PI4KB: variants seen among roughly 807,000 people sequenced by gnomAD.
The protein encoded by PI4KB is phosphatidylinositol 4-kinase beta.
In PI4KB, 23 loss-of-function variants were observed where a neutral mutation model predicts 81.4. That is an observed-to-expected ratio of 0.28 (90% CI 0.20 to 0.40). The LOEUF (loss-of-function observed/expected upper bound fraction) is 0.40. Among genes scored for constraint, PI4KB ranks in the 10% least tolerant of loss-of-function variants. The probability of loss-of-function intolerance (pLI) is 1.00; values close to 1 mark genes in which losing one functional copy is unlikely to be tolerated. For synonymous variants in PI4KB, 381 were observed against 406.8 expected, an observed-to-expected ratio of 0.94 and a Z score of 0.76; for missense variants, 651 against 1,036.6, an observed-to-expected ratio of 0.63 and a Z score of 5.11.
intron 1 of PI4KB, among the ~76,000 whole-genome samples, chr1:151,320,715 C>G (rs140690358): frequency 6.6e-6 from 1 of 152,344 alleles, no homozygotes; most frequent in East Asian, 1.9e-4. Context: ...GTAGGGCACT[C>G]TCATCAGAGG....
chr1:151,301,754 G>C (rs1318211680), intron 8 of PI4KB, 90 bp downstream of exon 8: 11 of 1,256,034 alleles, frequency 8.8e-6, no homozygotes, highest in Non-Finnish European at 1.2e-5. Context: ...GGCTGATCTT[G>C]AACTCCCGAC....
intron 5 of PI4KB, 142 bp from the exon 6 acceptor site, chr1:151,303,792 A>G (rs1695504801): frequency 1.5e-6 from 1 of 649,774 alleles, no homozygotes; most frequent in East Asian, 2.7e-5. Flanking sequence ...CTGGGACCCC[A>G]GGCTGCCCAG....
intron 4 of PI4KB, 97 bp downstream of exon 4, chr1:151,307,477 T>G: frequency 1.4e-6 from 1 of 716,196 alleles, no homozygotes; most frequent in Non-Finnish European, 2.5e-6. Context: ...GAGTCTAGGA[T>G]GTTGGTGAGG....
At position 151,303,534 on chromosome 1, in the gene PI4KB, G is replaced by A. The variant is rs1409421037; in HGVS notation, c.1520+7C>T. The A allele has an allele frequency of 1.9e-6, 3 of 1,558,106 alleles. No homozygotes were observed. Among genetic ancestry groups the A allele is most frequent in the Non-Finnish European group, 2.7e-6 (3 of 1,128,970 alleles). On this transcript the variant is annotated splice_region_variant and intron_variant, in intron 6 of 11. Transcript: ENST00000368873. Reference sequence around the variant, plus strand: ...GAAAAATGAGGGGCAATGTGATCTGGCCATACCGGATGTCCCCTGCTGCAA... The same window carrying A: ...GAAAAATGAGGGGCAATGTGATCTGACCATACCGGATGTCCCCTGCTGCAA...
intron 1 of PI4KB, chr1:151,324,844 C>T: frequency 1.0e-6 from 1 of 985,340 alleles, no homozygotes; most frequent in East Asian, 1.1e-4. Context: ...TCCCAAACCT[C>T]TTCCCCAAAT....
Position 151,310,233 on chromosome 1 carries a change from C to T in PI4KB, c.932G>A (p.Ser311Asn). 1 of 1,608,368 alleles carries T rather than the reference C, an allele frequency of 6.2e-7. No homozygotes were observed. Residue 311 changes from serine to asparagine, a missense_variant, in exon 3 of 12, where the codon AGT (serine) becomes AAT (asparagine). Around this residue, in one of 5 missense-constraint regions of PI4KB, gnomAD observed 314 missense variants for 397.8 expected, o/e 0.79. Coordinates refer to ENST00000368873, the MANE Select transcript of PI4KB (RefSeq NM_001369623.2). ...EDEELSSSTE[S>N]IDNSFSSPVR... ...TACGGAACTGAATGAATTATCAATA[C>T]TCTCGGTGCTGGAGGAGAGCTCCTG...
At chr1:151,308,335 C>A (rs1056781887) in intron 3 of PI4KB, among the ~76,000 whole-genome samples, 1 of 152,240 alleles carries the variant, frequency 6.6e-6, no homozygotes, top group African/African-American at 2.4e-5. Flanking sequence ...CAAATTACTT[C>A]TGTTGATTTC....
At position 151,307,610 on chromosome 1, in the gene PI4KB, G is replaced by C. The variant is rs769708110; in HGVS notation, c.1146C>G (p.Pro382=). Residue 382 remains proline, a synonymous_variant, in exon 4 of 12, where the codon CCC becomes CCG. Transcript: ENST00000368873. The part of the protein sequence containing the change: ...AGFDHHVVRV[P]HTQAVVLNSK... ...AGTTGAGGACAACAGCCTGTGTGTG[G>C]GGTACACGGACCACGTGGTGGTCAA... 10 of 1,613,916 alleles carry C rather than the reference G, an allele frequency of 6.2e-6. No individual in the cohort carries two copies. The highest frequency in any genetic ancestry group is 8.5e-6 in the Non-Finnish European group (10 of 1,179,922).
intron 1 of PI4KB, chr1:151,326,158 A>G (rs761832892): frequency 1.2e-6 from 2 of 1,613,068 alleles, no homozygotes; most frequent in East Asian, 4.5e-5. Context: ...ATAATCTGAA[A>G]CAAGTTTTCT....
At chr1:151,319,123 C>G (rs910820234) in intron 1 of PI4KB, among the ~76,000 whole-genome samples, 29 of 152,088 alleles carry the variant, frequency 1.9e-4, no homozygotes, top group African/African-American at 6.8e-4. Flanking sequence ...GGAACAAATA[C>G]CATCACGTGT....
At position 151,292,601 on chromosome 1, in the gene PI4KB, T is replaced by G; in HGVS notation, c.*251A>C. ...TTCTGGAGGGCAGTGAGTCCTGGAG[T>G]CAGTCTGGTGGTAATACTGACACAG... On this transcript the variant is annotated 3_prime_UTR_variant, in exon 12 of 12. Transcript: ENST00000368873. The G allele has an allele frequency of 2.0e-6, 1 of 498,578 alleles. No homozygotes were observed. Among genetic ancestry groups the G allele is most frequent in the South Asian group, 2.6e-5 (1 of 39,122 alleles). The allele number at this position is 498,578 out of a possible 1,614,324, so 30.9% of individuals were successfully genotyped here. A position where few individuals can be genotyped will look rare whatever the true frequency, so the allele number is the denominator to read the frequency against.
Position 151,307,659 on chromosome 1 carries a change from C to G in PI4KB, c.1097G>C (p.Arg366Pro). 1.9e-6 allele frequency: 3 copies of G among 1,614,158 alleles called. No homozygotes were observed. In the East Asian group the frequency reaches 6.7e-5, roughly 36 times the overall value. ...LSLLNHKLPARVWLPTAGFDH... is the reference protein window; with the variant it reads ...LSLLNHKLPAPVWLPTAGFDH... The stretch of plus-strand genomic sequence containing the variant: ...AAAGCCAGCAGTGGGCAGCCAGACT[C>G]GGGCAGGGAGCTTATGGTTGAGCAG... The change falls in exon 4 of 12, where the codon CGA becomes CCA. Residue 366 changes from arginine (R) to proline (P), a missense_variant. By Grantham distance (103) the Arg-to-Pro change is moderately radical. Coordinates refer to ENST00000368873, the MANE Select transcript of PI4KB (RefSeq NM_001369623.2).
chr1:151,294,378 C>T (rs587745518), intron 10 of PI4KB, 31 bp downstream of exon 10: 13 of 1,609,374 alleles, frequency 8.1e-6, no homozygotes, highest in Non-Finnish European at 1.0e-5. Context: ...ATACAATGAC[C>T]CCCGAGAGGC....
chr1:151,327,417 G>A (rs994435207), upstream of PI4KB: 9 of 397,862 alleles, frequency 2.3e-5, no homozygotes, highest in Admixed American at 4.4e-5. Context: ...GGCCCCGGCT[G>A]CGGGGCTGCC....
At chr1:151,322,702 T>C (rs562683144) in intron 1 of PI4KB, among the ~76,000 whole-genome samples, 2 of 152,182 alleles carry the variant, frequency 1.3e-5, no homozygotes, top group Non-Finnish European at 2.9e-5. Flanking sequence ...TTTTAAAGGA[T>C]CCTTTATTTC....
intron 5 of PI4KB, 92 bp downstream of exon 5, chr1:151,306,044 T>A (rs1230758842): frequency 4.8e-6 from 5 of 1,032,720 alleles, no homozygotes; most frequent in East Asian, 2.5e-5. Context: ...TGCCTTACCC[T>A]GCCTTGGGAT....
chr1:151,308,423 G>A (rs1257085399), intron 3 of PI4KB, among the ~76,000 whole-genome samples: 2 of 152,208 alleles, frequency 1.3e-5, no homozygotes, highest in African/African-American at 4.8e-5. Flanking sequence ...AGGATGAGCC[G>A]ATGAGCAGAC....
At chr1:151,318,430 A>G (rs1430631910) in intron 1 of PI4KB, among the ~76,000 whole-genome samples, 2 of 119,106 alleles carry the variant, frequency 1.7e-5, no homozygotes, top group East Asian at 2.6e-4. Context: ...AAAAAAAAAA[A>G]GGCCGGGCGC....
intron 2 of PI4KB, among the ~76,000 whole-genome samples, chr1:151,310,496 C>A (rs946355866): frequency 3.9e-5 from 6 of 152,228 alleles, no homozygotes; most frequent in African/African-American, 1.4e-4. Context: ...AGAGACAAAG[C>A]AGCCTCTGCT....
Sources: gnomAD v4.1 joint callset for allele counts (sites outside exome capture counted in the v4.1 genomes callset) on GRCh38, gnomAD v4.1.1 for gene constraint, gnomAD v4.1.1 regional missense constraint, MANE v1.5 for transcripts, NCBI Gene and HGNC (gene_info 2026-07-23, HGNC 2026-07-21) for gene names.